GALNT17: variants seen among roughly 807,000 people sequenced by gnomAD.
GALNT17 encodes the protein polypeptide N-acetylgalactosaminyltransferase 17.
In GALNT17, 29 loss-of-function variants were observed where a neutral mutation model predicts 63.7. The observed-to-expected ratio is 0.46, with a 90% CI of 0.34 to 0.62. The LOEUF is 0.62. GALNT17 is among the 20% of genes least tolerant of loss of function. GALNT17 has a pLI of 0.01. For missense variants in GALNT17, 603 were observed against 799.6 expected, an observed-to-expected ratio of 0.75 and a Z score of 2.97; for synonymous variants, 305 against 318.3, an observed-to-expected ratio of 0.96 and a Z score of 0.45.
In GALNT17 at chr7:71,504,628, A is replaced by G. The variant is rs1008955272; in HGVS notation, c.963-66657A>G. Among the ~76,000 whole-genome samples, 7 of 152,114 alleles carry G rather than the reference A, an allele frequency of 4.6e-5. No homozygotes were observed. The East Asian group carries it at 7.7e-4, about 17-fold the overall frequency. ...TAGTTTACTTATTTACATATTTTGC[A>G]TAGTTTACTTATTTACATAGTTTAC... is the stretch of plus-strand genomic sequence containing the variant. On this transcript the variant is annotated intron_variant, in intron 5 of 10. Coordinates refer to ENST00000333538, the MANE Select transcript of GALNT17 (RefSeq NM_022479.3).
At chr7:71,485,736 GC>G (rs1057407326) in intron 5 of GALNT17, among the ~76,000 whole-genome samples, 1 of 152,206 alleles carries the variant, frequency 6.6e-6, no homozygotes, top group African/African-American at 2.4e-5. Flanking sequence ...CATCATTGTA[GC>G]GCCCTCAGAC....
At chr7:71,356,944 G>T (rs112373769) in intron 2 of GALNT17, among the ~76,000 whole-genome samples, 2,961 of 152,042 alleles carry the variant, frequency 0.019, 77 homozygotes, top group African/African-American at 0.068. Flanking sequence ...ACCATGCCTG[G>T]CTAATTTTTG....
intron 1 of GALNT17, 124 bp from the exon 2 acceptor site, chr7:71,335,426 T>C: frequency 2.0e-6 from 2 of 986,436 alleles, no homozygotes; most frequent in Non-Finnish European, 2.8e-6. Context: ...TTGGATAAAT[T>C]GAGGACATCA....
intron 6 of GALNT17, 26 bp from the exon 7 acceptor site, chr7:71,665,375 TTCTTTTTCAG>T (rs762444951): frequency 5.7e-6 from 9 of 1,573,820 alleles, no homozygotes; most frequent in Non-Finnish European, 7.7e-6. Flanking sequence ...CTCTGGGAAT[TTCTTTTTCAG>T]GCTGATGAAA....
intron 1 of GALNT17, among the ~76,000 whole-genome samples, chr7:71,261,033 C>A (rs17522193): frequency 0.035 from 5,404 of 152,310 alleles, 111 homozygotes; most frequent in South Asian, 0.061. Flanking sequence ...GCTGACTTCG[C>A]AGTGCAGGGA....
intron 6 of GALNT17, among the ~76,000 whole-genome samples, chr7:71,586,069 G>A (rs916016900): frequency 2.6e-5 from 4 of 151,934 alleles, no homozygotes; most frequent in Non-Finnish European, 5.9e-5. Context: ...CACCACACCT[G>A]GCTAATTTTT....
In GALNT17 at chr7:71,424,520, C is replaced by T. The variant is rs191106888; in HGVS notation, c.962+3415C>T. Reference sequence around the variant, plus strand: ...ATTTCATAAGTTACGGTAATATTAACAGATGATTAATATGCACTTTAAAAA... The same window carrying T: ...ATTTCATAAGTTACGGTAATATTAATAGATGATTAATATGCACTTTAAAAA... On this transcript the variant is annotated intron_variant, in intron 5 of 10. Coordinates refer to ENST00000333538, the MANE Select transcript of GALNT17 (RefSeq NM_022479.3). Among the ~76,000 whole-genome samples the T allele has an allele frequency of 3.3e-4, 51 of 152,296 alleles. 1 individual carries two copies. Among genetic ancestry groups the T allele is most frequent in the Admixed American group, 2.9e-3 (44 of 15,296 alleles).
At chr7:71,424,523 A>G (rs1786723461) in intron 5 of GALNT17, among the ~76,000 whole-genome samples, 1 of 152,226 alleles carries the variant, frequency 6.6e-6, no homozygotes, top group African/African-American at 2.4e-5. Context: ...ATATTAACAG[A>G]TGATTAATAT....
At chr7:71,542,319 G>A (rs1233133770) in intron 5 of GALNT17, among the ~76,000 whole-genome samples, 1 of 151,800 alleles carries the variant, frequency 6.6e-6, no homozygotes, top group Non-Finnish European at 1.5e-5. Context: ...AGTATTAACT[G>A]TTGCATTTAT....
intron 1 of GALNT17, among the ~76,000 whole-genome samples, chr7:71,312,480 T>C (rs1038273668): frequency 3.3e-5 from 5 of 152,236 alleles, no homozygotes; most frequent in African/African-American, 1.2e-4. Context: ...TGGATTAGTG[T>C]ATTCTGAGTA....
At chr7:71,133,647 A>C (rs1787729459) in intron 1 of GALNT17, among the ~76,000 whole-genome samples, 1 of 152,172 alleles carries the variant, frequency 6.6e-6, no homozygotes. Context: ...GTTAAAGCTC[A>C]GGGTGGGCCT....
chr7:71,485,880 G>A (rs1006726750), intron 5 of GALNT17, among the ~76,000 whole-genome samples: 1 of 152,178 alleles, frequency 6.6e-6, no homozygotes, highest in Non-Finnish European at 1.5e-5. Flanking sequence ...ATACAAGGAG[G>A]CAGTGCCCTT....
At chr7:71,582,667 C>T (rs750334628) in intron 6 of GALNT17, among the ~76,000 whole-genome samples, 7 of 152,116 alleles carry the variant, frequency 4.6e-5, no homozygotes, top group Non-Finnish European at 8.8e-5. Context: ...GCATTTGCAG[C>T]AACATGAATG....
chr7:71,567,950 G>A lies in GALNT17; in HGVS notation c.963-3335G>A, dbSNP rs139745737. On this transcript the variant is annotated intron_variant, in intron 5 of 10. Coordinates refer to ENST00000333538, the MANE Select transcript of GALNT17 (RefSeq NM_022479.3). The stretch of plus-strand genomic sequence containing the variant: ...GGCTTTCCATGGAATCAGAAACCTG[G>A]ATGTGAAGGTCGAAGTCAAGTTAGA... 6.0e-3 allele frequency among the ~76,000 whole-genome samples: 915 copies of A among 152,300 alleles called. 6 individuals carry two copies. Among genetic ancestry groups the A allele is most frequent in the Non-Finnish European group, 9.5e-3 (644 of 68,014 alleles).
rs567620597 is a variant in GALNT17 at position 71,163,588 on chromosome 7, G to A, written c.238+30548G>A. Reference sequence around the variant, plus strand: ...TTTGGAAAGAGCTTGTCTTGGAACCGTTTCTTCTAGTTTAGATTCCTGTGG... The same window carrying A: ...TTTGGAAAGAGCTTGTCTTGGAACCATTTCTTCTAGTTTAGATTCCTGTGG... On this transcript the variant is annotated intron_variant, in intron 1 of 10. Coordinates refer to ENST00000333538, the MANE Select transcript of GALNT17 (RefSeq NM_022479.3). Among the ~76,000 whole-genome samples the A allele has an allele frequency of 7.9e-4, 121 of 152,282 alleles. 5 individuals carry two copies. In the South Asian group the frequency reaches 0.022, roughly 27 times the overall value.
At chr7:71,634,753 CAAAA>C (rs35015537) in intron 6 of GALNT17, among the ~76,000 whole-genome samples, 3 of 110,206 alleles carry the variant, frequency 2.7e-5, no homozygotes, top group Non-Finnish European at 3.8e-5. Context: ...GACTCCATCT[CAAAA>C]AAAAAAAAAA....
intron 5 of GALNT17, among the ~76,000 whole-genome samples, chr7:71,471,491 A>G (rs1343285551): frequency 2.0e-5 from 3 of 152,138 alleles, no homozygotes; most frequent in Admixed American, 6.6e-5. Context: ...AATTAATGCA[A>G]GAGATCCTAG....
At position 71,407,946 on chromosome 7, in the gene GALNT17, G is replaced by A. The variant is rs188953860; in HGVS notation, c.590-7943G>A. ...GGGGAGCAGCTGCTCAATGGGTATG[G>A]GGTTTATGTTTGGGGTGATGAAAAA... is the stretch of plus-strand genomic sequence containing the variant. On this transcript the variant is annotated intron_variant, in intron 3 of 10. Coordinates refer to ENST00000333538, the MANE Select transcript of GALNT17 (RefSeq NM_022479.3). Among the ~76,000 whole-genome samples, 38 of 152,258 alleles carry A rather than the reference G, an allele frequency of 2.5e-4. 4 individuals are homozygous for A. In the East Asian group the frequency reaches 2.9e-3, roughly 12 times the overall value.
chr7:71,173,955 G>A (rs770163768), intron 1 of GALNT17, among the ~76,000 whole-genome samples: 1 of 152,148 alleles, frequency 6.6e-6, no homozygotes, highest in African/African-American at 2.4e-5. Flanking sequence ...TGAATGGGAG[G>A]TCAGGAGAGA....
Sources: gnomAD v4.1 joint callset for allele counts (sites outside exome capture counted in the v4.1 genomes callset) on GRCh38, gnomAD v4.1.1 for gene constraint, MANE v1.5 for transcripts, NCBI Gene and HGNC (gene_info 2026-07-23, HGNC 2026-07-21) for gene names.